The following DAPK2 variants were observed in gnomAD, a reference collection of about 807,000 sequenced individuals.
DAPK2 encodes death associated protein kinase 2.
Under a neutral mutation model 44.1 loss-of-function variants are expected in DAPK2, and 35 were observed. The ratio of observed to expected loss-of-function variants is 0.79; its 90% CI spans 0.61 to 1.05. The LOEUF is 1.05. Among genes scored for constraint, DAPK2 ranks in the 50% least tolerant of loss-of-function variants. The probability of loss-of-function intolerance (pLI) is 0.00; values close to 1 mark genes in which losing one functional copy is unlikely to be tolerated. For synonymous variants in DAPK2, 174 were observed against 182.6 expected (o/e 0.95, Z 0.38); for missense variants, 453 against 483.2 (o/e 0.94, Z 0.59).
intron 1 of DAPK2, among the ~76,000 whole-genome samples, chr15:64,038,668 G>GT (rs1250401561): frequency 1.8e-4 from 27 of 150,354 alleles, no homozygotes; most frequent in African/African-American, 5.9e-4. Flanking sequence ...TTGAAGCTCT[G>GT]TTTCATCTTT....
intron 1 of DAPK2, among the ~76,000 whole-genome samples, chr15:64,036,945 T>C (rs943911019): frequency 2.0e-5 from 3 of 152,162 alleles, no homozygotes; most frequent in African/African-American, 4.8e-5. Context: ...CTCTTGATCA[T>C]GAACACTTAC....
intron 3 of DAPK2, among the ~76,000 whole-genome samples, chr15:63,952,273 C>T (rs1047712079): frequency 1.3e-5 from 2 of 152,022 alleles, no homozygotes; most frequent in Admixed American, 6.6e-5. Flanking sequence ...CAAAGAACAA[C>T]GGAAGCAGAA....
chr15:63,951,209 G>T (rs978792867), intron 3 of DAPK2, among the ~76,000 whole-genome samples: 1 of 152,088 alleles, frequency 6.6e-6, no homozygotes, highest in South Asian at 2.1e-4. Context: ...GATTGGGGGT[G>T]GAGGAAGGAC....
At chr15:64,010,263 G>A (rs544100296) in intron 1 of DAPK2, among the ~76,000 whole-genome samples, 159 of 152,252 alleles carry the variant, frequency 1.0e-3, no homozygotes, top group African/African-American at 3.6e-3. Context: ...GAGTTCTCAC[G>A]CAACAGGAAT....
At chr15:63,921,278 G>C (rs1314009588) in intron 8 of DAPK2, 1 of 152,238 alleles carries the variant, frequency 6.6e-6, no homozygotes, top group Non-Finnish European at 1.5e-5. Context: ...GCGCAGCCAG[G>C]GGAAGCAGAA....
chr15:64,001,396 C>A (rs2079081982), intron 1 of DAPK2, among the ~76,000 whole-genome samples: 1 of 152,158 alleles, frequency 6.6e-6, no homozygotes, highest in African/African-American at 2.4e-5. Context: ...CCTCCTCCTA[C>A]CCCGAGATGG....
intron 3 of DAPK2, among the ~76,000 whole-genome samples, chr15:63,968,494 A>G (rs764222626): frequency 1.3e-4 from 20 of 152,202 alleles, no homozygotes; most frequent in Middle Eastern, 3.2e-3. Flanking sequence ...CTGCTGGACA[A>G]TTTATTAACA....
chr15:64,003,464 C>T (rs914560127), intron 1 of DAPK2, among the ~76,000 whole-genome samples: 2 of 152,242 alleles, frequency 1.3e-5, no homozygotes, highest in Admixed American at 6.5e-5. Context: ...ATGCTTCCAG[C>T]ATCACCAGGA....
At chr15:64,005,276 T>C (rs1178435715) in intron 1 of DAPK2, among the ~76,000 whole-genome samples, 1 of 151,878 alleles carries the variant, frequency 6.6e-6, no homozygotes, top group Admixed American at 6.6e-5. Flanking sequence ...CCTACCTAGA[T>C]TTTCCCAAAG....
chr15:64,013,550 T>C lies in DAPK2; in HGVS notation c.92+26620A>G, dbSNP rs897715920. ...GGAGAAGGGGCAAGAACTTTAAAAG[T>C]AGAAAAACCTAAGGGCTAGAAAGGC... On this transcript the variant is annotated intron_variant, in intron 1 of 10. Coordinates refer to ENST00000261891, the Ensembl canonical transcript of DAPK2. This position sits in a 1 kb window ranked among gnomAD's most constrained non-coding sequence, Gnocchi z 4.7. 2.0e-5 allele frequency among the ~76,000 whole-genome samples: 3 copies of C among 152,118 alleles called. No homozygotes were observed. The highest frequency in any genetic ancestry group is 7.2e-5 in the African/African-American group (3 of 41,420).
chr15:63,930,112 C>T (rs1005980218), intron 5 of DAPK2, among the ~76,000 whole-genome samples: 1 of 152,198 alleles, frequency 6.6e-6, no homozygotes, highest in African/African-American at 2.4e-5. Context: ...TATTTAACCC[C>T]AGCTGGGGCA....
intron 3 of DAPK2, among the ~76,000 whole-genome samples, chr15:63,952,914 T>G (rs983511326): frequency 2.1e-4 from 32 of 152,156 alleles, no homozygotes; most frequent in African/African-American, 7.2e-4. Context: ...ACTACATATT[T>G]GTACCCATTA....
intron 1 of DAPK2, among the ~76,000 whole-genome samples, chr15:63,997,739 C>T (rs2078987486): frequency 6.6e-6 from 1 of 152,186 alleles, no homozygotes; most frequent in African/African-American, 2.4e-5. Flanking sequence ...CTTGTCCTCA[C>T]CCACATGGCC....
At chr15:63,984,971 AG>A (rs1249187599) in intron 1 of DAPK2, among the ~76,000 whole-genome samples, 2 of 152,262 alleles carry the variant, frequency 1.3e-5, no homozygotes, top group African/African-American at 4.8e-5. Flanking sequence ...ACAGATACAT[AG>A]GCCAACACTT....
In DAPK2 at chr15:63,908,651, C is replaced by T; in HGVS notation, c.1033-51G>A. Reference sequence around the variant, plus strand: ...CCAGGGCAGGAGGATCATGAGACGCCAGGAATGGGGCTGTGCTGGGCAACC... The same window carrying T: ...CCAGGGCAGGAGGATCATGAGACGCTAGGAATGGGGCTGTGCTGGGCAACC... On this transcript the variant is annotated intron_variant, in intron 10 of 10. Transcript: ENST00000261891. This position sits in a 1 kb window ranked among gnomAD's most constrained non-coding sequence, Gnocchi z 5.7. 1 of 1,496,246 alleles carries T rather than the reference C, an allele frequency of 6.7e-7. No homozygotes were observed. The highest frequency in any genetic ancestry group is 9.0e-7 in the Non-Finnish European group (1 of 1,116,398). The allele number at this position is 1,496,246 out of a possible 1,614,324, so 92.7% of individuals were successfully genotyped here.
At chr15:63,915,549 C>A (rs2078905099) in intron 8 of DAPK2, among the ~76,000 whole-genome samples, 1 of 152,150 alleles carries the variant, frequency 6.6e-6, no homozygotes, top group African/African-American at 2.4e-5. Flanking sequence ...AAGAGCTAAG[C>A]CCATGGCTGG....
intron 3 of DAPK2, among the ~76,000 whole-genome samples, chr15:63,965,927 G>T (rs2140683756): frequency 6.6e-6 from 1 of 152,320 alleles, no homozygotes; most frequent in South Asian, 2.1e-4. Flanking sequence ...AACCCGAAGA[G>T]CCCACTTGGT....
At chr15:63,961,376 C>T (rs1302877574) in intron 3 of DAPK2, among the ~76,000 whole-genome samples, 1 of 152,124 alleles carries the variant, frequency 6.6e-6, no homozygotes, top group Non-Finnish European at 1.5e-5. Context: ...TGAATTTGAT[C>T]CTGTCATTAT....
chr15:63,945,504 G>A (rs2077425936), intron 3 of DAPK2, among the ~76,000 whole-genome samples: 1 of 152,210 alleles, frequency 6.6e-6, no homozygotes, highest in African/African-American at 2.4e-5. Flanking sequence ...GGATGGAGCA[G>A]GAAGGAACGG....
Sources: gnomAD v4.1 joint callset for allele counts (sites outside exome capture counted in the v4.1 genomes callset) on GRCh38, gnomAD v4.1.1 for gene constraint, Gnocchi (gnomAD v3.1) non-coding constraint, MANE v1.5 for transcripts, NCBI Gene and HGNC (gene_info 2026-07-23, HGNC 2026-07-21) for gene names.